WDR49: variants seen among roughly 807,000 people sequenced by gnomAD.
WDR49 encodes cilia- and flagella-associated protein 337.
In WDR49, 107 loss-of-function variants were observed where a neutral mutation model predicts 119.5. The ratio of observed to expected loss-of-function variants is 0.90; its 90% confidence interval spans 0.77 to 1.05. The LOEUF is 1.05. Among genes scored for constraint, WDR49 ranks in the 50% least tolerant of loss-of-function variants. The pLI is 0.00. For synonymous variants in WDR49, 425 were observed against 418.8 expected (o/e 1.01, Z -0.18); for missense variants, 1,240 against 1,220.5 (o/e 1.02, Z -0.24).
intron 16 of WDR49, among the ~76,000 whole-genome samples, chr3:167,519,387 C>G (rs1752341136): frequency 6.6e-6 from 1 of 152,106 alleles, no homozygotes; most frequent in African/African-American, 2.4e-5. Context: ...GGAATCAACC[C>G]AAATGCCCAT....
At chr3:167,629,423 C>A (rs150365104) in intron 2 of WDR49, among the ~76,000 whole-genome samples, 300 of 152,156 alleles carry the variant, frequency 2.0e-3, no homozygotes, top group Middle Eastern at 3.4e-3. Flanking sequence ...TCCACCATGT[C>A]CCTGGTGGCT....
In WDR49 at chr3:167,478,861, AG is replaced by A; in HGVS notation, c.*16del. ...ATATCTGTACCTTATGTAACAGTGA[AG>A]GTTTTTCTGTTGTAATTACTTCTTA... On this transcript the variant is annotated 3_prime_UTR_variant, in exon 19 of 19. Transcript: ENST00000682715. The A allele has an allele frequency of 6.6e-7, 1 of 1,519,228 alleles. No homozygotes were observed. Among genetic ancestry groups the A allele is most frequent in the South Asian group, 1.2e-5 (1 of 83,720 alleles). The allele number at this position is 1,519,228 out of a possible 1,614,324, so 94.1% of individuals were successfully genotyped here. A position where few individuals can be genotyped will look rare whatever the true frequency, so the allele number is the denominator to read the frequency against.
intron 2 of WDR49, chr3:167,633,641 C>T (rs951103033): frequency 2.7e-6 from 1 of 371,574 alleles, no homozygotes; most frequent in Admixed American, 3.6e-5. Flanking sequence ...TCTTAGTTTT[C>T]ATTAGATTCA....
intron 11 of WDR49, among the ~76,000 whole-genome samples, chr3:167,534,925 A>G (rs914352222): frequency 4.6e-5 from 7 of 152,312 alleles, no homozygotes; most frequent in Non-Finnish European, 8.8e-5. Context: ...AGTGCCACCA[A>G]CGTGTGATTC....
chr3:167,622,300 G>T (rs1362785262), intron 3 of WDR49, among the ~76,000 whole-genome samples: 1 of 152,004 alleles, frequency 6.6e-6, no homozygotes, highest in Non-Finnish European at 1.5e-5. Flanking sequence ...ACTTTGAGAG[G>T]CCAACGCAGG....
intron 10 of WDR49, among the ~76,000 whole-genome samples, chr3:167,544,165 C>A (rs1712018917): frequency 6.6e-6 from 1 of 151,346 alleles, no homozygotes; most frequent in African/African-American, 2.4e-5. Context: ...AGAAATCATA[C>A]CTGACACAAA....
At chr3:167,576,267 C>T in intron 7 of WDR49, 116 bp from the exon 8 acceptor site, 1 of 783,992 alleles carries the variant, frequency 1.3e-6, no homozygotes, top group Non-Finnish European at 2.0e-6. Context: ...CTCCACAGTG[C>T]TATAATTGGT....
At chr3:167,506,799 T>C (rs1751786924) in intron 16 of WDR49, among the ~76,000 whole-genome samples, 3 of 151,564 alleles carry the variant, frequency 2.0e-5, no homozygotes, top group Admixed American at 2.0e-4. Flanking sequence ...CCTTAGCCTC[T>C]GGCCTGTGAC....
At chr3:167,522,509 T>A (rs750938600) in intron 15 of WDR49, 25 bp from the exon 16 acceptor site, 37 of 1,578,038 alleles carry the variant, frequency 2.3e-5, no homozygotes, top group Non-Finnish European at 3.1e-5. Flanking sequence ...AACATCTGTT[T>A]TATTTTTATG....
intron 18 of WDR49, among the ~76,000 whole-genome samples, chr3:167,498,811 AC>A (rs1751454830): frequency 6.6e-6 from 1 of 152,036 alleles, no homozygotes; most frequent in African/African-American, 2.4e-5. Flanking sequence ...TTTAGGAAGA[AC>A]CCTCCTCAGT....
intron 18 of WDR49, among the ~76,000 whole-genome samples, chr3:167,483,585 T>G (rs1750807621): frequency 6.6e-6 from 1 of 152,206 alleles, no homozygotes; most frequent in South Asian, 2.1e-4. Flanking sequence ...GGTAGCTCTC[T>G]TTAGAAAAAC....
intron 10 of WDR49, among the ~76,000 whole-genome samples, chr3:167,550,605 A>G (rs1421133180): frequency 6.6e-6 from 1 of 151,984 alleles, no homozygotes; most frequent in Non-Finnish European, 1.5e-5. Flanking sequence ...GTTTGATTTA[A>G]TCATTTCAAG....
In WDR49 at chr3:167,531,159, A is replaced by G. The variant is rs1192938211; in HGVS notation, c.2174T>C (p.Met725Thr). 3.7e-6 allele frequency: 6 copies of G among 1,612,532 alleles called. No individual in the cohort carries two copies. The South Asian group carries it at 4.4e-5, about 12-fold the overall frequency. ...EIDTEGKNAVMRLCFLKARKN... is the reference protein window; with the variant it reads ...EIDTEGKNAVTRLCFLKARKN... ...TCTTGCTTTAAGAAAGCAAAGTCTC[A>G]TAACAGCATTTTTGCCCTCAGTGTC... The change falls in exon 13 of 19, where the codon ATG (methionine) becomes ACG (threonine). Residue 725 changes from methionine to threonine, a missense_variant. Physicochemically the swap from Met to Thr is moderately conservative, Grantham distance 81 (BLOSUM62 -1). Transcript: ENST00000682715.
At chr3:167,618,714 T>G (rs908791176) in intron 5 of WDR49, among the ~76,000 whole-genome samples, 2 of 152,216 alleles carry the variant, frequency 1.3e-5, no homozygotes, top group South Asian at 2.1e-4. Context: ...GAAATCGGAT[T>G]CCTTAGGTCA....
intron 5 of WDR49, among the ~76,000 whole-genome samples, chr3:167,607,215 C>A (rs1333629261): frequency 6.6e-6 from 1 of 152,094 alleles, no homozygotes; most frequent in Non-Finnish European, 1.5e-5. Flanking sequence ...TTAGACTTTA[C>A]GGCTACCTTT....
rs576735260 is a variant in WDR49, at chr3:167,522,600, A to C, written c.2605-116T>G. 5.5e-4 allele frequency: 541 copies of C among 989,346 alleles called. 1 individual carries two copies. The highest frequency in any genetic ancestry group is 7.3e-4 in the Non-Finnish European group (511 of 703,604). 61.3% of individuals were successfully genotyped at this position (989,346 alleles called of 1,614,324 possible). On this transcript the variant is annotated intron_variant, in intron 15 of 18. Transcript: ENST00000682715. ...AAAGTCCTGGGGTGGGACACACAAG[A>C]AGATGAAAAAGATATGACTCCGGTC...
At chr3:167,556,974 G>A (rs900908620) in intron 9 of WDR49, among the ~76,000 whole-genome samples, 5 of 152,108 alleles carry the variant, frequency 3.3e-5, no homozygotes, top group African/African-American at 1.2e-4. Flanking sequence ...GCAGTGAGCT[G>A]AGATCATGCC....
In WDR49 at chr3:167,500,314, G is replaced by C; in HGVS notation, c.2885-15C>G. On this transcript the variant is annotated splice_polypyrimidine_tract_variant and intron_variant, in intron 17 of 18. Transcript: ENST00000682715. ...CCTAAATGTACCTTCACAACAGCAGGTTTTAGAGGAAGACAGGGAGAAAAA... is the reference window on the plus strand; with the variant it reads ...CCTAAATGTACCTTCACAACAGCAGCTTTTAGAGGAAGACAGGGAGAAAAA... 1 of 1,604,542 alleles carries C rather than the reference G, an allele frequency of 6.2e-7. No homozygotes were observed.
chr3:167,648,401 T>C (rs1718226045), intron 2 of WDR49, among the ~76,000 whole-genome samples: 1 of 152,114 alleles, frequency 6.6e-6, no homozygotes, highest in African/African-American at 2.4e-5. Context: ...AATTATATAA[T>C]AAAATAGCAG....
Sources: allele counts gnomAD v4.1 joint callset (sites outside exome capture counted in the v4.1 genomes callset), GRCh38; gene constraint gnomAD v4.1.1; transcripts MANE v1.5; gene names NCBI Gene and HGNC (gene_info 2026-07-23, HGNC 2026-07-21).